The following ETV6 variants were observed in gnomAD, a reference collection of about 807,000 sequenced individuals.
The protein encoded by ETV6 is transcription factor ETV6.
Under a neutral mutation model 51.1 loss-of-function variants are expected in ETV6, and 16 were observed. That is an observed-to-expected ratio of 0.31 (90% CI 0.21 to 0.48). The LOEUF is 0.48. Among genes scored for constraint, ETV6 ranks in the 20% least tolerant of loss-of-function variants. ETV6 has a pLI of 0.99. For synonymous variants in ETV6, 240 were observed against 224.1 expected (o/e 1.07, Z -0.64); for missense variants, 458 against 594.8 (o/e 0.77, Z 2.39).
intron 5 of ETV6, among the ~76,000 whole-genome samples, chr12:11,874,760 TTTTCA>T (rs1946953216): frequency 1.3e-5 from 2 of 151,252 alleles, no homozygotes; most frequent in Admixed American, 1.3e-4. Flanking sequence ...TCATAAATTC[TTTTCA>T]TTATCTATTA....
chr12:11,845,267 A>G (rs1276998150), intron 3 of ETV6, among the ~76,000 whole-genome samples: 1 of 152,248 alleles, frequency 6.6e-6, no homozygotes, highest in African/African-American at 2.4e-5. Context: ...TAAGAAGTTA[A>G]AAGTTGGAGA....
intron 1 of ETV6, among the ~76,000 whole-genome samples, chr12:11,672,391 T>G (rs1364276309): frequency 6.6e-6 from 1 of 152,158 alleles, no homozygotes; most frequent in Non-Finnish European, 1.5e-5. Context: ...TGGTAGGCAA[T>G]TGAAACAGAG....
At chr12:11,782,970 GAA>G (rs957507639) in intron 2 of ETV6, among the ~76,000 whole-genome samples, 9 of 152,144 alleles carry the variant, frequency 5.9e-5, no homozygotes, top group Admixed American at 5.2e-4. Context: ...ATAGGGGAGA[GAA>G]GGGATGTGTG....
chr12:11,713,484 T>C (rs1440782793), intron 1 of ETV6, among the ~76,000 whole-genome samples: 1 of 152,194 alleles, frequency 6.6e-6, no homozygotes, highest in Non-Finnish European at 1.5e-5. Flanking sequence ...CTCTTGTTAT[T>C]TCTCAAACAT....
intron 4 of ETV6, among the ~76,000 whole-genome samples, chr12:11,867,418 A>G (rs1295180665): frequency 2.0e-5 from 3 of 152,206 alleles, no homozygotes; most frequent in Non-Finnish European, 4.4e-5. Flanking sequence ...TCAGTCTTCT[A>G]TTGATAGCTA....
intron 2 of ETV6, among the ~76,000 whole-genome samples, chr12:11,765,741 C>T (rs1945152989): frequency 6.6e-6 from 1 of 152,016 alleles, no homozygotes; most frequent in African/African-American, 2.4e-5. Flanking sequence ...CACCACCACC[C>T]TGGATAAAAG....
chr12:11,842,285 C>G (rs1322292021), intron 3 of ETV6, among the ~76,000 whole-genome samples: 1 of 152,116 alleles, frequency 6.6e-6, no homozygotes, highest in Non-Finnish European at 1.5e-5. Context: ...ACTCCCATCC[C>G]TACTTCCCTA....
intron 2 of ETV6, among the ~76,000 whole-genome samples, chr12:11,800,272 A>G (rs1048032736): frequency 6.6e-6 from 1 of 152,180 alleles, no homozygotes; most frequent in Admixed American, 6.5e-5. Flanking sequence ...TTAAATTTTA[A>G]TTAATTTTTC....
Position 11,674,615 on chromosome 12 carries a change from TTGTGTGTGTGTGTGTGTGTGTG to T in ETV6, c.33+24481_33+24502del, listed in dbSNP as rs5796457. ...CCATAGGGGTTAATGTAGGGGTTAT[TTGTGTGTGTGTGTGTGTGTGTG>T]TGTGTGTGTGTGTGTGTGTGTGTGT... is the stretch of plus-strand genomic sequence containing the variant. On this transcript the variant is annotated intron_variant, in intron 1 of 7. Transcript: ENST00000396373. Among the ~76,000 whole-genome samples the T allele has an allele frequency of 2.4e-3, 317 of 133,238 alleles. 4 individuals are homozygous for T. The highest frequency in any genetic ancestry group is 8.5e-3 in the African/African-American group (296 of 34,934). 87.4% of individuals were successfully genotyped at this position (133,238 alleles called of 152,430 possible).
At chr12:11,843,487 T>G (rs1946418644) in intron 3 of ETV6, among the ~76,000 whole-genome samples, 1 of 152,206 alleles carries the variant, frequency 6.6e-6, no homozygotes, top group East Asian at 1.9e-4. Flanking sequence ...TCTCACCACA[T>G]GGATCCTAAG....
chr12:11,784,861 A>AG (rs1945461734), intron 2 of ETV6, among the ~76,000 whole-genome samples: 1 of 81,190 alleles, frequency 1.2e-5, no homozygotes, highest in African/African-American at 4.4e-5. Context: ...GTGCCTTGCT[A>AG]ATTTTTTTTT....
At chr12:11,697,745 C>G (rs1190725213) in intron 1 of ETV6, among the ~76,000 whole-genome samples, 1 of 152,138 alleles carries the variant, frequency 6.6e-6, no homozygotes, top group African/African-American at 2.4e-5. Context: ...AAAATGAAGG[C>G]AGAATCCACA....
intron 1 of ETV6, among the ~76,000 whole-genome samples, chr12:11,728,911 G>A (rs1865542514): frequency 6.6e-6 from 1 of 152,120 alleles, no homozygotes; most frequent in African/African-American, 2.4e-5. Context: ...TACCTACATG[G>A]TTCCATAGTT....
intron 2 of ETV6, among the ~76,000 whole-genome samples, chr12:11,803,552 A>G (rs1224676967): frequency 1.3e-5 from 2 of 152,218 alleles, no homozygotes. Flanking sequence ...GAGAATTATC[A>G]GTGGTGAGTG....
intron 2 of ETV6, among the ~76,000 whole-genome samples, chr12:11,836,427 C>T (rs1946316231): frequency 6.6e-6 from 1 of 152,136 alleles, no homozygotes. Context: ...CCACAGTCTC[C>T]CCTGTAACTT....
chr12:11,845,118 T>G (rs1348206814), intron 3 of ETV6, among the ~76,000 whole-genome samples: 2 of 152,222 alleles, frequency 1.3e-5, no homozygotes. Flanking sequence ...CGTGAGCTAC[T>G]GCACCCGGCC....
At chr12:11,740,706 A>T (rs920335156) in intron 1 of ETV6, among the ~76,000 whole-genome samples, 6 of 152,206 alleles carry the variant, frequency 3.9e-5, no homozygotes, top group African/African-American at 2.4e-5. Context: ...TTTAAAAAAA[A>T]ATTTATTAAG....
At chr12:11,737,284 C>T (rs929736019) in intron 1 of ETV6, among the ~76,000 whole-genome samples, 39 of 152,136 alleles carry the variant, frequency 2.6e-4, no homozygotes, top group African/African-American at 9.2e-4. Context: ...AATAGGGGCA[C>T]CTGCAGCTGA....
At chr12:11,820,972 T>G (rs1425245280) in intron 2 of ETV6, among the ~76,000 whole-genome samples, 1 of 152,080 alleles carries the variant, frequency 6.6e-6, no homozygotes, top group Non-Finnish European at 1.5e-5. Context: ...CTGGGACTAA[T>G]GTAGTAGCAG....
Sources: gnomAD v4.1 joint callset for allele counts (sites outside exome capture counted in the v4.1 genomes callset) on GRCh38, gnomAD v4.1.1 for gene constraint, MANE v1.5 for transcripts, NCBI Gene and HGNC (gene_info 2026-07-23, HGNC 2026-07-21) for gene names.